The following CEP63 variants were observed in gnomAD, a reference collection of about 807,000 sequenced individuals.
CEP63 encodes centrosomal protein of 63 kDa.
CEP63 carries 84 observed loss-of-function variants against 89.1 expected under a neutral mutation model. The ratio of observed to expected loss-of-function variants is 0.94; its 90% CI spans 0.79 to 1.13. CEP63 has a LOEUF of 1.13. Among genes scored for constraint, CEP63 ranks in the 50% most tolerant of loss-of-function variants. CEP63 has a pLI of 0.00. For missense variants in CEP63, 838 were observed against 813.3 expected, an observed-to-expected ratio of 1.03 and a Z score of -0.37; for synonymous variants, 267 against 272.5, an observed-to-expected ratio of 0.98 and a Z score of 0.20.
At chr3:134,556,320 C>T (rs1332370649) in intron 12 of CEP63, among the ~76,000 whole-genome samples, 11 of 152,012 alleles carry the variant, frequency 7.2e-5, no homozygotes, top group African/African-American at 2.4e-4. Flanking sequence ...AAGAAACTAC[C>T]ATCAGAGTGA....
chr3:134,548,245 C>G (rs543767828), intron 9 of CEP63, among the ~76,000 whole-genome samples: 7 of 152,304 alleles, frequency 4.6e-5, no homozygotes, highest in African/African-American at 1.7e-4. Flanking sequence ...TATACTGACT[C>G]TACTTCTTTA....
At chr3:134,504,792 C>CT (rs1559886298) in intron 2 of CEP63, among the ~76,000 whole-genome samples, 1 of 151,906 alleles carries the variant, frequency 6.6e-6, no homozygotes, top group Non-Finnish European at 1.5e-5. Context: ...TTTCTTTTTT[C>CT]TTTTTTATTC....
At chr3:134,531,307 G>A (rs566594383) in intron 3 of CEP63, among the ~76,000 whole-genome samples, 12 of 152,220 alleles carry the variant, frequency 7.9e-5, no homozygotes, top group African/African-American at 9.6e-5. Flanking sequence ...AGTTTCGGCC[G>A]GGCGCGATGG....
intron 3 of CEP63, among the ~76,000 whole-genome samples, chr3:134,520,433 T>G (rs1214102544): frequency 6.6e-6 from 1 of 152,152 alleles, no homozygotes. Context: ...AATGGAAGAA[T>G]AGATGTTCAT....
intron 10 of CEP63, among the ~76,000 whole-genome samples, chr3:134,586,674 G>A (rs931532551): frequency 5.3e-5 from 8 of 151,884 alleles, no homozygotes; most frequent in African/African-American, 1.5e-4. Flanking sequence ...TGGTCTTGGG[G>A]TTGCTCTTCT....
chr3:134,609,889 T>C, the CEP63 span, among the ~76,000 whole-genome samples: 2 of 152,258 alleles, frequency 1.3e-5, no homozygotes, highest in African/African-American at 2.4e-5. Context: ...TAAAGAAGGC[T>C]ATTAGCCCAC....
the CEP63 span, chr3:134,610,443 T>A: frequency 6.8e-7 from 1 of 1,461,868 alleles, no homozygotes; most frequent in Non-Finnish European, 9.4e-7. Context: ...TCCAAGTCTG[T>A]CCATGGTCTC....
the CEP63 span, among the ~76,000 whole-genome samples, chr3:134,606,841 C>A: frequency 2.6e-5 from 4 of 151,720 alleles, no homozygotes; most frequent in Admixed American, 6.6e-5. Context: ...CTCTCCCCTC[C>A]ACGGCACTCT....
the CEP63 span, among the ~76,000 whole-genome samples, chr3:134,744,899 C>A: frequency 5.3e-5 from 8 of 152,236 alleles, no homozygotes; most frequent in South Asian, 8.3e-4. Context: ...AATATCAACA[C>A]CCTCATCTTT....
chr3:134,717,117 G>C, the CEP63 span, among the ~76,000 whole-genome samples: 1 of 152,182 alleles, frequency 6.6e-6, no homozygotes, highest in Non-Finnish European at 1.5e-5. Context: ...CTTCTTTCAG[G>C]ACATGGGAAT....
chr3:134,726,472 A>G, the CEP63 span, among the ~76,000 whole-genome samples: 1 of 146,572 alleles, frequency 6.8e-6, no homozygotes, highest in African/African-American at 2.6e-5. Flanking sequence ...ACACACACAC[A>G]CACACACACA....
At chr3:134,655,805 G>T in the CEP63 span, among the ~76,000 whole-genome samples, 1 of 152,174 alleles carries the variant, frequency 6.6e-6, no homozygotes, top group East Asian at 1.9e-4. Context: ...GAGGTTCTTG[G>T]AAAAATTCTT....
chr3:134,543,345 C>G (rs569554189), intron 6 of CEP63, among the ~76,000 whole-genome samples: 1 of 152,238 alleles, frequency 6.6e-6, no homozygotes, highest in East Asian at 1.9e-4. Context: ...AATGGTATTG[C>G]AGCCCTAGTG....
At chr3:134,679,764 C>T in the CEP63 span, among the ~76,000 whole-genome samples, 5 of 152,116 alleles carry the variant, frequency 3.3e-5, no homozygotes, top group African/African-American at 9.7e-5. Flanking sequence ...GCTCTGTTAC[C>T]CAGGCTGGAG....
chr3:134,561,407 A>G lies in CEP63; in HGVS notation c.1984A>G (p.Ile662Val), dbSNP rs771264321. The change falls in exon 15 of 15, where the codon ATA becomes GTA. Residue 662 changes from isoleucine to valine, a missense_variant. Transcript: ENST00000675561. ...CTTGCCTGTATCTCCCCTTGGTTCA[A>G]TAGCTACCAGATTTTTGGAAGAGGA... ...CSLPVSPLGS[I>V]ATRFLEEEEL... The G allele has an allele frequency of 9.3e-6, 15 of 1,614,042 alleles. No individual in the cohort carries two copies. The highest frequency in any genetic ancestry group is 1.7e-5 in the Admixed American group (1 of 60,028).
At chr3:134,774,672 AGT>A in the CEP63 span, among the ~76,000 whole-genome samples, 2 of 152,174 alleles carry the variant, frequency 1.3e-5, no homozygotes, top group South Asian at 4.1e-4. Context: ...TGTGTGAGAG[AGT>A]GTGTGTGTGA....
chr3:134,739,678 T>C, the CEP63 span, among the ~76,000 whole-genome samples: 1 of 150,502 alleles, frequency 6.6e-6, no homozygotes, highest in Non-Finnish European at 1.5e-5. Context: ...GTACACGAAC[T>C]TTAAAAACAT....
the CEP63 span, among the ~76,000 whole-genome samples, chr3:134,630,703 G>A: frequency 6.6e-6 from 1 of 152,170 alleles, no homozygotes; most frequent in Non-Finnish European, 1.5e-5. Context: ...GCACATGCAG[G>A]GCAGATCTGT....
rs564041082 is a variant in CEP63, at chr3:134,587,210, A to C, written c.1207-248A>C. On this transcript the variant is annotated intron_variant, in intron 10 of 10. Transcript: ENST00000683931. ...CTACTTCTGTCAACTCGTCAAAGTCATTCTCTGTCCAGTTTTTTTCCGTTG... is the reference window on the plus strand; with the variant it reads ...CTACTTCTGTCAACTCGTCAAAGTCCTTCTCTGTCCAGTTTTTTTCCGTTG... 1.1e-3 allele frequency among the ~76,000 whole-genome samples: 155 copies of C among 141,954 alleles called. 1 individual carries two copies. The highest frequency in any genetic ancestry group is 3.3e-3 in the Admixed American group (47 of 14,436). 93.1% of individuals were successfully genotyped at this position (141,954 alleles called of 152,430 possible). A position where few individuals can be genotyped will look rare whatever the true frequency, so the allele number is the denominator to read the frequency against.
Sources: allele counts gnomAD v4.1 joint callset (sites outside exome capture counted in the v4.1 genomes callset), GRCh38; gene constraint gnomAD v4.1.1; transcripts MANE v1.5; gene names NCBI Gene and HGNC (gene_info 2026-07-23, HGNC 2026-07-21).